ZNF521: variants seen among roughly 807,000 people sequenced by gnomAD.
ZNF521 encodes the protein zinc finger protein 521.
ZNF521 carries 14 observed loss-of-function variants against 105.5 expected under a neutral mutation model. The observed-to-expected ratio is 0.13, with a 90% CI of 0.09 to 0.21. ZNF521 has a LOEUF of 0.21. Among genes scored for constraint, ZNF521 ranks in the 10% least tolerant of loss-of-function variants. The pLI is 1.00. For synonymous variants in ZNF521, 635 were observed against 606.0 expected, an observed-to-expected ratio of 1.05 and a Z score of -0.70; for missense variants, 1,233 against 1,629.7, an observed-to-expected ratio of 0.76 and a Z score of 4.19.
intron 5 of ZNF521, among the ~76,000 whole-genome samples, chr18:25,123,397 A>C (rs1470113854): frequency 6.6e-6 from 1 of 152,090 alleles, no homozygotes; most frequent in African/African-American, 2.4e-5. Flanking sequence ...AAAGTGACAA[A>C]CCTCCTCAGT....
At chr18:25,266,068 G>A (rs1046646933) in intron 3 of ZNF521, among the ~76,000 whole-genome samples, 12 of 152,186 alleles carry the variant, frequency 7.9e-5, no homozygotes, top group Non-Finnish European at 1.8e-4. Flanking sequence ...GGGGAAAGGT[G>A]AGGATGGTTA....
chr18:25,278,147 T>A lies in ZNF521; in HGVS notation c.220+43861A>T, dbSNP rs528456999. ...TGACAGCACAGGCAATGCAAATTAG[T>A]GCTCAGATGGAGAGAATCACTATTC... On this transcript the variant is annotated intron_variant, in intron 3 of 7. Transcript: ENST00000361524. Among the ~76,000 whole-genome samples the A allele has an allele frequency of 2.7e-4, 41 of 152,308 alleles. 1 individual carries two copies. The highest frequency in any genetic ancestry group is 7.8e-4 in the Admixed American group (12 of 15,292).
intron 3 of ZNF521, among the ~76,000 whole-genome samples, chr18:25,261,857 T>A (rs1600227171): frequency 1.3e-5 from 2 of 152,268 alleles, no homozygotes; most frequent in East Asian, 3.9e-4. Context: ...AACCGTAACT[T>A]ATTACCCACC....
intron 2 of ZNF521, among the ~76,000 whole-genome samples, chr18:25,342,672 C>T (rs1300674257): frequency 6.6e-6 from 1 of 152,088 alleles, no homozygotes; most frequent in Non-Finnish European, 1.5e-5. Flanking sequence ...TCGTGATCCG[C>T]CCGCCTCGGC....
chr18:25,284,871 TGA>T (rs907659228), intron 3 of ZNF521, among the ~76,000 whole-genome samples: 3 of 151,172 alleles, frequency 2.0e-5, no homozygotes, highest in Non-Finnish European at 2.9e-5. Context: ...AGGTTTCTAG[TGA>T]GAGAGACTAC....
At chr18:25,212,060 A>G (rs1394940834) in intron 4 of ZNF521, among the ~76,000 whole-genome samples, 1 of 152,154 alleles carries the variant, frequency 6.6e-6, no homozygotes, top group Non-Finnish European at 1.5e-5. Context: ...GCATAATCCT[A>G]ATCACTGCAG....
rs138724531 is a variant in ZNF521, at chr18:25,260,226, C to CA, written c.221-32530dup. On this transcript the variant is annotated intron_variant, in intron 3 of 7. Coordinates refer to ENST00000361524, the MANE Select transcript of ZNF521 (RefSeq NM_015461.3). ...TTCACTATGTGCCCCATGTCTCATA[C>CA]AAAAAAAAGAAATGCTAAAATAAAA... Among the ~76,000 whole-genome samples, 143 of 151,262 alleles carry CA rather than the reference C, an allele frequency of 9.5e-4. 3 individuals carry two copies. In the East Asian group the frequency reaches 0.024, roughly 26 times the overall value.
At chr18:25,067,620 T>G (rs1218321612) in intron 7 of ZNF521, among the ~76,000 whole-genome samples, 1 of 152,232 alleles carries the variant, frequency 6.6e-6, no homozygotes, top group African/African-American at 2.4e-5. Context: ...TTGAAACTGT[T>G]CACCTTGGCT....
chr18:25,245,984 C>T (rs910546154), intron 3 of ZNF521, among the ~76,000 whole-genome samples: 4 of 151,876 alleles, frequency 2.6e-5, no homozygotes, highest in African/African-American at 9.7e-5. Flanking sequence ...GCCTGGGTGA[C>T]AGAGTGAGAC....
chr18:25,218,139 T>C (rs1230896426), intron 4 of ZNF521, among the ~76,000 whole-genome samples: 2 of 152,174 alleles, frequency 1.3e-5, no homozygotes, highest in Non-Finnish European at 2.9e-5. Context: ...TATATCATCC[T>C]ATGGGGATGG....
intron 3 of ZNF521, among the ~76,000 whole-genome samples, chr18:25,267,822 G>A (rs559968424): frequency 1.3e-5 from 2 of 152,302 alleles, no homozygotes; most frequent in East Asian, 3.9e-4. Context: ...TGAAAATGGG[G>A]AGAAACAACA....
rs200375993 is a variant in ZNF521, at chr18:25,227,220, G to A, written c.698C>T (p.Ser233Phe). Residue 233 changes from serine to phenylalanine, a missense_variant, in exon 4 of 8, where the codon TCC becomes TTC. Physicochemically the swap from Ser to Phe is radical, Grantham distance 155. Transcript: ENST00000361524. This position sits in a 1 kb window ranked among gnomAD's most constrained non-coding sequence, Gnocchi z 5.7. ...CTTCCAGTCCTCCATCCTGGAACCG[G>A]ACTGAGAGCCGTCCTTGTTCCTCTC... Reference protein sequence around the residue: ...VHERNKDGSQSGSRMEDWKMK... With the variant: ...VHERNKDGSQFGSRMEDWKMK... The A allele has an allele frequency of 5.5e-5, 89 of 1,614,102 alleles. No individual in the cohort carries two copies. The Admixed American group carries it at 1.1e-3, about 20-fold the overall frequency.
At chr18:25,306,610 C>G (rs891103801) in intron 3 of ZNF521, among the ~76,000 whole-genome samples, 12 of 152,120 alleles carry the variant, frequency 7.9e-5, no homozygotes, top group Non-Finnish European at 1.8e-4. Flanking sequence ...CACTAGCCAG[C>G]CTTAATGCTT....
chr18:25,105,529 G>T (rs1407854682), intron 5 of ZNF521, among the ~76,000 whole-genome samples: 1 of 152,112 alleles, frequency 6.6e-6, no homozygotes, highest in Non-Finnish European at 1.5e-5. Context: ...TATCTCTGAG[G>T]ATGATTATAA....
intron 3 of ZNF521, among the ~76,000 whole-genome samples, chr18:25,317,331 T>C (rs1288428247): frequency 1.3e-5 from 2 of 152,186 alleles, no homozygotes; most frequent in African/African-American, 4.8e-5. Context: ...TGCACAGGTA[T>C]TATTAAAGTT....
At chr18:25,174,468 G>T (rs1256132419) in intron 5 of ZNF521, among the ~76,000 whole-genome samples, 1 of 152,142 alleles carries the variant, frequency 6.6e-6, no homozygotes, top group African/African-American at 2.4e-5. Flanking sequence ...TATAAATAAT[G>T]AACTGCTGCT....
At chr18:25,080,997 T>A (rs1480584289) in intron 7 of ZNF521, among the ~76,000 whole-genome samples, 1 of 152,208 alleles carries the variant, frequency 6.6e-6, no homozygotes, top group South Asian at 2.1e-4. Flanking sequence ...CAGTCACACA[T>A]GCAGTCTTTC....
chr18:25,067,690 T>C (rs35885414), intron 7 of ZNF521, among the ~76,000 whole-genome samples: 31,629 of 152,196 alleles, frequency 0.21, 3,685 homozygotes, highest in African/African-American at 0.31. Context: ...CCTACATCAA[T>C]GATGAAATTC....
chr18:25,127,922 A>C (rs1160874539), intron 5 of ZNF521, among the ~76,000 whole-genome samples: 2 of 152,062 alleles, frequency 1.3e-5, no homozygotes, highest in Non-Finnish European at 2.9e-5. Flanking sequence ...CAATTCTCTA[A>C]AATTTGTTTC....
Sources: allele counts gnomAD v4.1 joint callset (sites outside exome capture counted in the v4.1 genomes callset), GRCh38; gene constraint gnomAD v4.1.1; non-coding constraint Gnocchi (gnomAD v3.1); transcripts MANE v1.5; gene names NCBI Gene and HGNC (gene_info 2026-07-23, HGNC 2026-07-21).